Variants in PLA2G4E observed in about 807,000 individuals in gnomAD.
PLA2G4E encodes the protein phospholipase A2 group IVE.
In PLA2G4E, 84 loss-of-function variants were observed where a neutral mutation model predicts 109.1. The ratio of observed to expected loss-of-function variants is 0.77; its 90% CI spans 0.65 to 0.92. The LOEUF is 0.92. Among genes scored for constraint, PLA2G4E ranks in the 40% least tolerant of loss-of-function variants. The probability of loss-of-function intolerance (pLI) is 0.00; values close to 1 mark genes in which losing one functional copy is unlikely to be tolerated. For synonymous variants in PLA2G4E, 469 were observed against 436.1 expected, an observed-to-expected ratio of 1.08 and a Z score of -0.94; for missense variants, 1,057 against 1,076.6, an observed-to-expected ratio of 0.98 and a Z score of 0.25.
chr15:42,011,924 G>A (rs1399707482), intron 2 of PLA2G4E, among the ~76,000 whole-genome samples: 1 of 152,116 alleles, frequency 6.6e-6, no homozygotes, highest in African/African-American at 2.4e-5. Flanking sequence ...GGATCCAGAG[G>A]ACACTCCCTG....
exon 13 of PLA2G4E, chr15:41,992,738 T>G: frequency 6.2e-7 from 1 of 1,610,858 alleles, no homozygotes; most frequent in Non-Finnish European, 8.5e-7. Flanking sequence ...AGCACCTACC[T>G]CGTCCCCCAG....
chr15:41,992,817 G>A lies in PLA2G4E; in HGVS notation c.1390C>T (p.Arg464Trp), dbSNP rs368463147. 57 of 1,613,752 alleles carry A rather than the reference G, an allele frequency of 3.5e-5. No individual in the cohort carries two copies. The highest frequency in any genetic ancestry group is 4.5e-5 in the East Asian group (2 of 44,896). Residue 464 changes from arginine (R) to tryptophan (W), a missense_variant, in exon 13 of 20, where the codon CGG becomes TGG. Physicochemically the swap from Arg to Trp is moderately radical, Grantham distance 101. Transcript: ENST00000399518. Reference sequence around the variant, plus strand: ...CTGTAGCCTTCCTGGCTGCGCTGCCGGAGCTCCTCCTGGAATTTGCGGAGC... The same window carrying A: ...CTGTAGCCTTCCTGGCTGCGCTGCCAGAGCTCCTCCTGGAATTTGCGGAGC...
chr15:42,009,328 C>G (rs2068508621), intron 2 of PLA2G4E, among the ~76,000 whole-genome samples: 2 of 152,216 alleles, frequency 1.3e-5, no homozygotes, highest in South Asian at 4.1e-4. Flanking sequence ...CCCTTTGTCT[C>G]TCTCAGGACC....
At chr15:41,985,793 T>A in intron 18 of PLA2G4E, 46 bp downstream of exon 18, 1 of 1,572,440 alleles carries the variant, frequency 6.4e-7, no homozygotes, top group South Asian at 1.2e-5. Context: ...GGGCCCATCT[T>A]AGGAGAGGCT....
chr15:42,008,927 G>A (rs1051138706), intron 2 of PLA2G4E: 2 of 152,248 alleles, frequency 1.3e-5, no homozygotes, highest in African/African-American at 4.8e-5. Context: ...AGTCACTGAT[G>A]AGAGTGGAGC....
chr15:42,049,189 T>A lies in PLA2G4E; in HGVS notation c.183+1332A>T, dbSNP rs375916076. Among the ~76,000 whole-genome samples the A allele has an allele frequency of 4.6e-5, 7 of 152,254 alleles. No individual in the cohort carries two copies. In the East Asian group the frequency reaches 1.2e-3, roughly 25 times the overall value. On this transcript the variant is annotated intron_variant, in intron 1 of 19. Coordinates refer to ENST00000399518, the Ensembl canonical transcript of PLA2G4E. ...GGTGGGATAGTGTGGGGCAGAGACA[T>A]CAAGGGAAACCCTGGGGCGGGGCTC... is the stretch of plus-strand genomic sequence containing the variant.
At chr15:41,992,939 C>T (rs376094640) in exon 13 of PLA2G4E, 25 of 1,612,734 alleles carry the variant, frequency 1.6e-5, no homozygotes, top group Middle Eastern at 3.4e-4. Context: ...GTCAGGGTCA[C>T]GGTACAAGGT....
chr15:42,007,836 A>G, exon 3 of PLA2G4E: 7 of 1,607,636 alleles, frequency 4.4e-6, no homozygotes, highest in Non-Finnish European at 5.9e-6. Context: ...GTGGGCAGCC[A>G]GAGGCTCACA....
At chr15:42,010,144 C>G in intron 2 of PLA2G4E, 1 of 497,236 alleles carries the variant, frequency 2.0e-6, no homozygotes, top group Admixed American at 2.0e-5. Context: ...CCCCCCACCC[C>G]GGGCCTGGAC....
chr15:42,044,845 T>C (rs1430767001), intron 1 of PLA2G4E, among the ~76,000 whole-genome samples: 1 of 151,212 alleles, frequency 6.6e-6, no homozygotes, highest in African/African-American at 2.4e-5. Flanking sequence ...GGGGACAGAA[T>C]TGGGCAGGAC....
intron 2 of PLA2G4E, among the ~76,000 whole-genome samples, chr15:42,011,223 G>C (rs1871262470): frequency 6.6e-6 from 1 of 152,284 alleles, no homozygotes; most frequent in African/African-American, 2.4e-5. Flanking sequence ...ATGTAGGGAA[G>C]GGAGGAGGCT....
rs7170692 is a variant in PLA2G4E, at chr15:42,044,051, C to T, written c.183+6470G>A. Among the ~76,000 whole-genome samples the T allele has an allele frequency of 1.3e-3, 192 of 152,270 alleles. 1 individual carries two copies. Among genetic ancestry groups the T allele is most frequent in the African/African-American group, 4.3e-3 (179 of 41,542 alleles). On this transcript the variant is annotated intron_variant, in intron 1 of 19. Coordinates refer to ENST00000399518, the Ensembl canonical transcript of PLA2G4E. ...CAGTGAAAGCTTTGTTCACTGATGA[C>T]AGAGACATTTGAGCACCTCCTAAAT...
chr15:41,988,379 G>A (rs1217248561), intron 15 of PLA2G4E, among the ~76,000 whole-genome samples: 1 of 152,078 alleles, frequency 6.6e-6, no homozygotes, highest in Non-Finnish European at 1.5e-5. Flanking sequence ...CCTCAGTGCC[G>A]GGAGACGTAA....
At chr15:41,985,696 C>A (rs1056186372) in intron 18 of PLA2G4E, 143 bp downstream of exon 18, 16 of 1,072,298 alleles carry the variant, frequency 1.5e-5, no homozygotes, top group Middle Eastern at 3.1e-4. Flanking sequence ...CCCATCATGA[C>A]TGCTGCTTGG....
chr15:41,984,641 G>A (rs371714434), intron 18 of PLA2G4E, 22 bp from the exon 19 acceptor site: 58 of 1,553,388 alleles, frequency 3.7e-5, no homozygotes, highest in Non-Finnish European at 4.6e-5. Flanking sequence ...CAGAGGGCGT[G>A]TTTGAGCATT....
chr15:41,996,622 C>T (rs539033587), intron 11 of PLA2G4E, among the ~76,000 whole-genome samples: 3 of 152,322 alleles, frequency 2.0e-5, no homozygotes, highest in South Asian at 4.1e-4. Flanking sequence ...AGAGGCCCAC[C>T]GTCTGCTCCC....
intron 1 of PLA2G4E, among the ~76,000 whole-genome samples, chr15:42,018,493 A>C (rs1458751633): frequency 6.6e-6 from 1 of 152,042 alleles, no homozygotes; most frequent in Non-Finnish European, 1.5e-5. Context: ...AGGGACAGGC[A>C]TTCATCCTTC....
intron 2 of PLA2G4E, among the ~76,000 whole-genome samples, chr15:42,010,835 G>A (rs746288888): frequency 2.1e-5 from 3 of 145,468 alleles, no homozygotes; most frequent in Non-Finnish European, 4.5e-5. Context: ...TTCAGTTATC[G>A]AGGAGTCAGC....
chr15:42,013,157 T>C (rs984697700), intron 2 of PLA2G4E, among the ~76,000 whole-genome samples: 4 of 152,208 alleles, frequency 2.6e-5, no homozygotes, highest in African/African-American at 9.6e-5. Flanking sequence ...TGGGCTGAAC[T>C]GTAGAACTGG....
Sources: gnomAD v4.1 joint callset for allele counts (sites outside exome capture counted in the v4.1 genomes callset) on GRCh38, gnomAD v4.1.1 for gene constraint, MANE v1.5 for transcripts, NCBI Gene and HGNC (gene_info 2026-07-23, HGNC 2026-07-21) for gene names.